The following TDRD9 variants were observed in gnomAD, a reference collection of about 807,000 sequenced individuals.
The protein encoded by TDRD9 is tudor domain containing 9.
In TDRD9, 124 loss-of-function variants were observed where a neutral mutation model predicts 172.6. The observed-to-expected ratio is 0.72, with a 90% confidence interval of 0.62 to 0.83. The LOEUF (loss-of-function observed/expected upper bound fraction) is 0.83, where lower values mean the gene tolerates loss of function less well. Among genes scored for constraint, TDRD9 ranks in the 40% least tolerant of loss-of-function variants. TDRD9 has a pLI of 0.00. For synonymous variants in TDRD9, 619 were observed against 617.1 expected (o/e 1.00, Z -0.05); for missense variants, 1,479 against 1,714.1 (o/e 0.86, Z 2.42).
rs1454124078 is a variant in TDRD9 at position 103,975,570 on chromosome 14, T to C, written c.1011+17T>C. The C allele has an allele frequency of 6.3e-7, 1 of 1,582,098 alleles. No individual in the cohort carries two copies. Among genetic ancestry groups the C allele is most frequent in the Admixed American group, 1.8e-5 (1 of 54,742 alleles). ...CATAGCAAGGTATGTTAGAATGTGC[T>C]GTTTCTTTTATAGTGAGCGTACTCT... On this transcript the variant is annotated intron_variant, in intron 7 of 35. Transcript: ENST00000409874.
At chr14:103,954,284 T>C (rs1026397680) in intron 1 of TDRD9, among the ~76,000 whole-genome samples, 1 of 152,218 alleles carries the variant, frequency 6.6e-6, no homozygotes, top group Non-Finnish European at 1.5e-5. Context: ...ATTACAAATA[T>C]TATGAAAATA....
rs2034192492 is a variant in TDRD9, at chr14:103,999,677, TC to T, written c.1483+950del. On this transcript the variant is annotated intron_variant, in intron 13 of 35. Coordinates refer to ENST00000409874, the MANE Select transcript of TDRD9 (RefSeq NM_153046.3). ...TGGGAAGGGTAGATAAAAGACCATT[TC>T]AAGAATACTAAAATACTAAATACAC... Among the ~76,000 whole-genome samples, 72 of 114,890 alleles carry T rather than the reference TC, an allele frequency of 6.3e-4. 12 individuals are homozygous for T. Among genetic ancestry groups the T allele is most frequent in the Admixed American group, 1.1e-3 (13 of 11,988 alleles). 75.4% of individuals were successfully genotyped at this position (114,890 alleles called of 152,430 possible). A position where few individuals can be genotyped will look rare whatever the true frequency, so the allele number is the denominator to read the frequency against.
chr14:103,981,377 G>C (rs1322635055), intron 7 of TDRD9, among the ~76,000 whole-genome samples: 9 of 152,178 alleles, frequency 5.9e-5, no homozygotes, highest in African/African-American at 1.7e-4. Flanking sequence ...CTTGCCACTT[G>C]CTGTCTGAGC....
At chr14:103,935,431 A>G (rs903572375) in intron 1 of TDRD9, among the ~76,000 whole-genome samples, 4 of 152,214 alleles carry the variant, frequency 2.6e-5, no homozygotes, top group African/African-American at 9.7e-5. Context: ...TGGCCTAGCA[A>G]GTGACAGGTG....
chr14:104,031,692 C>T (rs1394221242), intron 29 of TDRD9, among the ~76,000 whole-genome samples: 1 of 151,914 alleles, frequency 6.6e-6, no homozygotes, highest in Non-Finnish European at 1.5e-5. Context: ...TGTGTGGTCT[C>T]AGGTCTACCT....
intron 28 of TDRD9, among the ~76,000 whole-genome samples, chr14:104,030,687 A>G (rs575768885): frequency 3.0e-4 from 46 of 152,340 alleles, no homozygotes; most frequent in African/African-American, 1.1e-3. Flanking sequence ...ACTTTAATCA[A>G]TGACTTCCAA....
chr14:103,951,437 A>G (rs553127606), intron 1 of TDRD9, among the ~76,000 whole-genome samples: 34 of 152,354 alleles, frequency 2.2e-4, no homozygotes, highest in Middle Eastern at 3.4e-3. Context: ...TTTGAGAGCT[A>G]AACACTGGGA....
chr14:104,016,092 G>A lies in TDRD9; in HGVS notation c.2331+4G>A, dbSNP rs1207247294. On this transcript the variant is annotated splice_donor_region_variant and intron_variant, in intron 22 of 35. Transcript: ENST00000409874. ...GGACCCCAAGACAACTGTCGTGGTA[G>A]GTGCTGGGGGCAGGCCGTCCTCTCT... The A allele has an allele frequency of 6.3e-7, 1 of 1,589,306 alleles. No homozygotes were observed. The highest frequency in any genetic ancestry group is 1.1e-5 in the South Asian group (1 of 87,152).
chr14:103,957,688 T>G (rs578045087), intron 2 of TDRD9, among the ~76,000 whole-genome samples: 1 of 152,348 alleles, frequency 6.6e-6, no homozygotes, highest in Non-Finnish European at 1.5e-5. Flanking sequence ...CATCTAATAC[T>G]TCTGTTTGGA....
chr14:104,040,922 G>T (rs140387313), intron 33 of TDRD9, among the ~76,000 whole-genome samples: 1 of 152,322 alleles, frequency 6.6e-6, no homozygotes, highest in East Asian at 1.9e-4. Context: ...TCGTATTTGT[G>T]TACATTAAAA....
chr14:104,004,193 A>T, intron 13 of TDRD9, 45 bp from the exon 14 acceptor site: 1 of 952,606 alleles, frequency 1.0e-6, no homozygotes, highest in Non-Finnish European at 1.7e-6. Flanking sequence ...TGCTGATGTT[A>T]AAGTAATTAA....
intron 1 of TDRD9, among the ~76,000 whole-genome samples, chr14:103,934,471 T>G (rs2030617804): frequency 6.6e-6 from 1 of 151,850 alleles, no homozygotes; most frequent in Non-Finnish European, 1.5e-5. Flanking sequence ...GTCACGGAGC[T>G]AACAGGAGAT....
chr14:103,993,604 T>C (rs952530517), intron 9 of TDRD9, among the ~76,000 whole-genome samples: 3 of 152,206 alleles, frequency 2.0e-5, no homozygotes, highest in Non-Finnish European at 4.4e-5. Context: ...CTCCTGGTAG[T>C]GGCCGTCAGT....
chr14:104,020,973 C>T lies in TDRD9; in HGVS notation c.2433-1184C>T, dbSNP rs540150795. Among the ~76,000 whole-genome samples, 3 of 151,938 alleles carry T rather than the reference C, an allele frequency of 2.0e-5. No homozygotes were observed. The South Asian group carries it at 6.3e-4, about 32-fold the overall frequency. ...GGCTGGGGCAAGAGAGGGCATTTATCAATATTACTTGGTGTTTTATTCTGT... is the reference window on the plus strand; with the variant it reads ...GGCTGGGGCAAGAGAGGGCATTTATTAATATTACTTGGTGTTTTATTCTGT... On this transcript the variant is annotated intron_variant, in intron 23 of 35. Transcript: ENST00000409874.
rs963482841 is a variant in TDRD9, at chr14:103,968,951, T to A, written c.766-1590T>A. On this transcript the variant is annotated intron_variant, in intron 5 of 35. Coordinates refer to ENST00000409874, the MANE Select transcript of TDRD9 (RefSeq NM_153046.3). ...CCGTCTCTACTAAAAATACAAAAAA[T>A]TAGCCGGGCATGGTGGCGGGCACCT... Among the ~76,000 whole-genome samples the A allele has an allele frequency of 2.7e-5, 4 of 147,638 alleles. No homozygotes were observed. In the East Asian group the frequency reaches 7.9e-4, roughly 29 times the overall value.
intron 2 of TDRD9, 82 bp downstream of exon 2, chr14:103,955,852 G>C (rs942458413): frequency 2.2e-5 from 26 of 1,179,570 alleles, no homozygotes; most frequent in Non-Finnish European, 3.0e-5. Flanking sequence ...GTGCATGCCT[G>C]TAATTCCAGC....
At chr14:103,969,794 C>T (rs574631895) in intron 5 of TDRD9, among the ~76,000 whole-genome samples, 21 of 132,526 alleles carry the variant, frequency 1.6e-4, no homozygotes, top group Non-Finnish European at 2.7e-4. Context: ...GCTGCCTAGC[C>T]CTTGGGTGCT....
chr14:103,929,261 A>G (rs534442201), intron 1 of TDRD9, among the ~76,000 whole-genome samples: 11 of 151,852 alleles, frequency 7.2e-5, no homozygotes, highest in East Asian at 1.9e-4. Flanking sequence ...CTTTCCCTAC[A>G]CCACGTGGAA....
At chr14:104,011,384 T>C (rs1428904894) in intron 20 of TDRD9, among the ~76,000 whole-genome samples, 1 of 152,230 alleles carries the variant, frequency 6.6e-6, no homozygotes, top group African/African-American at 2.4e-5. Context: ...TACTATGAGA[T>C]GTTGTTATTG....
Sources: gnomAD v4.1 joint callset for allele counts (sites outside exome capture counted in the v4.1 genomes callset) on GRCh38, gnomAD v4.1.1 for gene constraint, MANE v1.5 for transcripts, NCBI Gene and HGNC (gene_info 2026-07-23, HGNC 2026-07-21) for gene names.